Variants in DSG2 observed in about 807,000 individuals in gnomAD.
The protein encoded by DSG2 is desmoglein-2.
Under a neutral mutation model 75.6 loss-of-function variants are expected in DSG2, and 45 were observed. The ratio of observed to expected loss-of-function variants is 0.60; its 90% CI spans 0.47 to 0.76. The LOEUF is 0.76. Among genes scored for constraint, DSG2 ranks in the 30% least tolerant of loss-of-function variants. The probability of loss-of-function intolerance (pLI) is 0.00; values close to 1 mark genes in which losing one functional copy is unlikely to be tolerated. For synonymous variants in DSG2, 429 were observed against 483.9 expected (o/e 0.89, Z 1.49); for missense variants, 1,267 against 1,357.4 (o/e 0.93, Z 1.05).
At chr18:31,503,833 T>C (rs2073026003) in intron 1 of DSG2, among the ~76,000 whole-genome samples, 1 of 152,062 alleles carries the variant, frequency 6.6e-6, no homozygotes, top group Admixed American at 6.5e-5. Flanking sequence ...ATTTTGGTTG[T>C]CACAGTGCCT....
intron 3 of DSG2, 130 bp from the exon 4 acceptor site, chr18:31,520,673 A>G: frequency 1.0e-6 from 1 of 988,092 alleles, no homozygotes; most frequent in Admixed American, 2.4e-5. Flanking sequence ...AAAGAACTTC[A>G]GAAGGAAATT....
Position 31,521,157 on chromosome 18 carries a change from G to A in DSG2, c.437G>A (p.Arg146His), listed in dbSNP as rs113451409. 11 of 1,613,704 alleles carry A rather than the reference G, an allele frequency of 6.8e-6. No homozygotes were observed. The highest frequency in any genetic ancestry group is 1.6e-4 in the Middle Eastern group (1 of 6,078). Reference sequence around the variant, plus strand: ...AATGTAGAGAAACCCTTAGAGCTACGCATTAAGGTTCTTGATATCAATGAC... The same window carrying A: ...AATGTAGAGAAACCCTTAGAGCTACACATTAAGGTTCTTGATATCAATGAC... ...GNNVEKPLEL[R>H]IKVLDINDNE... is the part of the protein sequence containing the mutation. The change falls in exon 5 of 15, where the codon CGC (arginine) becomes CAC (histidine). Residue 146 changes from arginine (R) to histidine (H), a missense_variant. Physicochemically the swap from Arg to His is conservative, Grantham distance 29. Coordinates refer to ENST00000261590, the MANE Select transcript of DSG2 (RefSeq NM_001943.5).
At chr18:31,520,695 T>C in intron 3 of DSG2, 108 bp from the exon 4 acceptor site, 1 of 1,191,868 alleles carries the variant, frequency 8.4e-7, no homozygotes, top group Non-Finnish European at 1.2e-6. Context: ...TCCATAAAAA[T>C]ATTTACCTGT....
intron 9 of DSG2, among the ~76,000 whole-genome samples, chr18:31,532,831 C>T (rs2073206266): frequency 6.6e-6 from 1 of 152,158 alleles, no homozygotes; most frequent in African/African-American, 2.4e-5. Context: ...TATGTTCAAA[C>T]TAATTATATA....
intron 6 of DSG2, among the ~76,000 whole-genome samples, chr18:31,523,710 C>G (rs182018042): frequency 8.5e-5 from 13 of 152,184 alleles, no homozygotes; most frequent in Admixed American, 8.5e-4. Context: ...CACATAGAAA[C>G]CCTGTGAGGC....
chr18:31,531,044 G>A lies in DSG2; in HGVS notation c.1072G>A (p.Ala358Thr), dbSNP rs758537946. Residue 358 changes from alanine to threonine, a missense_variant, in exon 9 of 15, where the codon GCA (alanine) becomes ACA (threonine). Coordinates refer to ENST00000261590, the MANE Select transcript of DSG2 (RefSeq NM_001943.5). Reference protein sequence around the residue: ...LDFSVIVANKAAFHKSIRSKY... With the variant: ...LDFSVIVANKTAFHKSIRSKY... The stretch of plus-strand genomic sequence containing the variant: ...CTTCAGTGTTATTGTCGCTAATAAA[G>A]CAGCTTTTCACAAGTCGATTAGGAG... The A allele has an allele frequency of 5.0e-6, 8 of 1,613,960 alleles. No individual in the cohort carries two copies. Among genetic ancestry groups the A allele is most frequent in the South Asian group, 2.2e-5 (2 of 91,082 alleles).
rs538724816 is a variant in DSG2 at position 31,518,651 on chromosome 18, C to G, written c.81+377C>G. On this transcript the variant is annotated intron_variant, in intron 2 of 14. Coordinates refer to ENST00000261590, the MANE Select transcript of DSG2 (RefSeq NM_001943.5). The stretch of plus-strand genomic sequence containing the variant: ...AAAATCATAAAAGATATTAATCAAG[C>G]TGTTAATGAATACTTTGTGAGGTAT... Among the ~76,000 whole-genome samples the G allele has an allele frequency of 3.3e-5, 5 of 152,010 alleles. No homozygotes were observed. In the South Asian group the frequency reaches 1.0e-3, roughly 32 times the overall value.
intron 6 of DSG2, 176 bp downstream of exon 6, chr18:31,522,425 A>G: frequency 1.6e-6 from 1 of 616,700 alleles, no homozygotes; most frequent in East Asian, 2.9e-5. Context: ...ACTATTGAGC[A>G]CTTAAAATGT....
intron 14 of DSG2, 63 bp downstream of exon 14, chr18:31,542,915 T>A: frequency 3.0e-6 from 3 of 1,009,590 alleles, no homozygotes; most frequent in Non-Finnish European, 4.1e-6. Flanking sequence ...GTGAATGTGA[T>A]ATTATTAGGG....
At chr18:31,501,784 A>G (rs912580748) in intron 1 of DSG2, among the ~76,000 whole-genome samples, 2 of 152,288 alleles carry the variant, frequency 1.3e-5, no homozygotes, top group South Asian at 4.1e-4. Context: ...CAGAGACCCT[A>G]TTTCCAAATA....
intron 9 of DSG2, among the ~76,000 whole-genome samples, chr18:31,532,355 T>A (rs1423725296): frequency 1.3e-5 from 2 of 152,086 alleles, no homozygotes; most frequent in East Asian, 3.9e-4. Flanking sequence ...CCCTCATGAC[T>A]TAATCACTTA....
chr18:31,510,997 T>A (rs1017659251), intron 1 of DSG2, among the ~76,000 whole-genome samples: 2 of 152,016 alleles, frequency 1.3e-5, no homozygotes, highest in Non-Finnish European at 2.9e-5. Flanking sequence ...AGTGGACAGG[T>A]TTTTTAAAAA....
intron 14 of DSG2, 31 bp downstream of exon 14, chr18:31,542,883 G>T: frequency 9.1e-7 from 1 of 1,095,398 alleles, no homozygotes; most frequent in Non-Finnish European, 1.3e-6. Flanking sequence ...TTGGTGGTGG[G>T]GGGTGGGGGG....
At chr18:31,503,744 G>A (rs985030215) in intron 1 of DSG2, among the ~76,000 whole-genome samples, 2 of 152,188 alleles carry the variant, frequency 1.3e-5, no homozygotes, top group Non-Finnish European at 2.9e-5. Context: ...AAAGCCCAGA[G>A]ACCATGGGGT....
chr18:31,498,320 G>A, intron 1 of DSG2, 24 bp downstream of exon 1: 1 of 1,256,664 alleles, frequency 8.0e-7, no homozygotes. Flanking sequence ...GCGGGACAGG[G>A]GAGCCACCGC....
intron 3 of DSG2, 91 bp from the exon 4 acceptor site, chr18:31,520,712 T>C: frequency 7.4e-7 from 1 of 1,346,884 alleles, no homozygotes; most frequent in East Asian, 2.4e-5. Context: ...CTGTAAATTA[T>C]AGAGAATCAC....
chr18:31,546,266 C>G lies in DSG2; in HGVS notation c.2880C>G (p.Ser960Arg), dbSNP rs374807974. 1.2e-5 allele frequency: 19 copies of G among 1,603,384 alleles called. No homozygotes were observed. The African/African-American group carries it at 1.6e-4, about 14-fold the overall frequency. ...TCCTGGGTCCTAGCCAGCCACAGAG[C>G]CTTATTGTGACAGAGAGGGTGTATG... ...TVILGPSQPQSLIVTERVYAP... is the reference protein window; with the variant it reads ...TVILGPSQPQRLIVTERVYAP... The change falls in exon 15 of 15, where the codon AGC becomes AGG. Residue 960 changes from serine (S) to arginine (R), a missense_variant. Coordinates refer to ENST00000261590, the MANE Select transcript of DSG2 (RefSeq NM_001943.5).
At position 31,520,946 on chromosome 18, in the gene DSG2, A is replaced by G; in HGVS notation, c.360A>G (p.Glu120=). The change falls in exon 4 of 15, where the codon GAA becomes GAG. Residue 120 remains glutamate (E), a synonymous_variant. Coordinates refer to ENST00000261590, the MANE Select transcript of DSG2 (RefSeq NM_001943.5). ...ATGTTACCAGCATTCTTGATCGAGA[A>G]GAAACACCATTTTTTCTGGTAAGAA... The part of the protein sequence containing the change: ...ELNVTSILDR[E]ETPFFLLTGY... The G allele has an allele frequency of 1.9e-6, 3 of 1,613,832 alleles. No individual in the cohort carries two copies. Among genetic ancestry groups the G allele is most frequent in the Non-Finnish European group, 2.5e-6 (3 of 1,179,898 alleles).
rs756896076 is a variant in DSG2, at chr18:31,542,553, G to A, written c.2035G>A (p.Gly679Ser). 2 of 1,614,070 alleles carry A rather than the reference G, an allele frequency of 1.2e-6. No individual in the cohort carries two copies. Among genetic ancestry groups the A allele is most frequent in the Non-Finnish European group, 1.7e-6 (2 of 1,180,020 alleles). ...ATCATTTCTGCCAGTGGATCAAGGG[G>A]GCAGTCTAGTAGGAAGAAATGGAGT... is the stretch of plus-strand genomic sequence containing the variant. ...VPSFLPVDQG[G>S]SLVGRNGVGG... Residue 679 changes from glycine (G) to serine (S), a missense_variant, in exon 14 of 15, where the codon GGC (glycine) becomes AGC (serine). Transcript: ENST00000261590.
Sources: gnomAD v4.1 joint callset for allele counts (sites outside exome capture counted in the v4.1 genomes callset) on GRCh38, gnomAD v4.1.1 for gene constraint, MANE v1.5 for transcripts, NCBI Gene and HGNC (gene_info 2026-07-23, HGNC 2026-07-21) for gene names.